SIRPG: variants seen among roughly 807,000 people sequenced by gnomAD.
SIRPG encodes the protein signal-regulatory protein gamma.
Under a neutral mutation model 35.7 loss-of-function variants are expected in SIRPG, and 38 were observed. The ratio of observed to expected loss-of-function variants is 1.06; its 90% CI spans 0.82 to 1.40. SIRPG has a LOEUF of 1.40. Ranked by LOEUF, SIRPG falls within the 40% of genes most tolerant of loss-of-function variation. The pLI, the probability that SIRPG is intolerant of heterozygous loss-of-function variation, is 0.00. For missense variants in SIRPG, 519 were observed against 483.0 expected (o/e 1.07, Z -0.70); for synonymous variants, 215 against 190.4 (o/e 1.13, Z -1.06).
chr20:1,639,802 G>A (rs1600205989), intron 2 of SIRPG, among the ~76,000 whole-genome samples: 1 of 152,276 alleles, frequency 6.6e-6, no homozygotes, highest in East Asian at 1.9e-4. Context: ...TTTGTATAAG[G>A]TGTAAGGAAG....
chr20:1,644,014 C>T (rs1056358214), intron 2 of SIRPG, among the ~76,000 whole-genome samples: 11 of 152,218 alleles, frequency 7.2e-5, no homozygotes, highest in Middle Eastern at 3.4e-3. Flanking sequence ...GTAGGGTGTC[C>T]GACAACCCCT....
At chr20:1,660,717 T>C (rs1380212167), upstream of SIRPG, among the ~76,000 whole-genome samples, 1 of 151,972 alleles carries the variant, frequency 6.6e-6, no homozygotes, top group African/African-American at 2.4e-5. Context: ...AACCTGGGAG[T>C]CCATGAGCCA....
chr20:1,629,877 T>C (rs745356741), intron 5 of SIRPG, among the ~76,000 whole-genome samples: 7 of 152,136 alleles, frequency 4.6e-5, no homozygotes, highest in Non-Finnish European at 8.8e-5. Context: ...CCATTTGGGT[T>C]TCTCAACATT....
chr20:1,678,345 A>T, the SIRPG span, among the ~76,000 whole-genome samples: 1 of 152,240 alleles, frequency 6.6e-6, no homozygotes, highest in Non-Finnish European at 1.5e-5. Flanking sequence ...AAAATAATTC[A>T]GGATTATGAT....
At chr20:1,657,843 A>G, upstream of SIRPG, 2 of 775,704 alleles carry the variant, frequency 2.6e-6, no homozygotes, top group Non-Finnish European at 4.2e-6. Flanking sequence ...GGAATGCAAC[A>G]GTAACCTGCT....
chr20:1,646,964 G>A (rs1456873163), intron 2 of SIRPG: 1 of 152,338 alleles, frequency 6.6e-6, no homozygotes, highest in Non-Finnish European at 1.5e-5. Context: ...CGTCTTTAAT[G>A]CTTTTCGCTA....
the SIRPG span, chr20:1,671,103 G>T: frequency 2.3e-6 from 1 of 427,970 alleles, no homozygotes; most frequent in African/African-American, 2.1e-5. Context: ...TGGTGTTTCA[G>T]GGGGAGAAGC....
At chr20:1,640,963 T>A (rs2122487750) in intron 2 of SIRPG, among the ~76,000 whole-genome samples, 1 of 152,278 alleles carries the variant, frequency 6.6e-6, no homozygotes, top group East Asian at 1.9e-4. Context: ...TGAAGCCAAT[T>A]TGATTGTGGT....
At chr20:1,650,004 G>GTATATATATATATATATATATA (rs71193923) in intron 1 of SIRPG, among the ~76,000 whole-genome samples, 86 of 98,782 alleles carry the variant, frequency 8.7e-4, no homozygotes, top group African/African-American at 3.0e-3. Flanking sequence ...TTTGAAGTGT[G>GTATATATATATATATATATATA]TATATATATA....
chr20:1,649,060 G>T lies in SIRPG; in HGVS notation c.422C>A (p.Ala141Asp). 1 of 1,613,526 alleles carries T rather than the reference G, an allele frequency of 6.2e-7. No individual in the cohort carries two copies. Among genetic ancestry groups the T allele is most frequent in the Non-Finnish European group, 8.5e-7 (1 of 1,179,566 alleles). ...EFKSGPGTEM[A>D]LGAKPSAPVV... ...GTCCATGTTGTACTCACCACCCAAA[G>T]CCATCTCAGTGCCTGGTCCAGACTT... The change falls in exon 2 of 6, where the codon GCT becomes GAT. Residue 141 changes from alanine (A) to aspartate (D), a missense_variant. By Grantham distance (126) the Ala-to-Asp change is moderately radical. Coordinates refer to ENST00000303415, the MANE Select transcript of SIRPG (RefSeq NM_018556.4).
At chr20:1,650,004 G>GTGTATATATATATATATATATATA (rs774462534) in intron 1 of SIRPG, among the ~76,000 whole-genome samples, 25 of 98,808 alleles carry the variant, frequency 2.5e-4, no homozygotes, top group African/African-American at 9.3e-4. Context: ...TTTGAAGTGT[G>GTGTATATATATATATATATATATA]TATATATATA....
chr20:1,633,669 G>GA (rs1207855157), intron 4 of SIRPG: 2 of 152,150 alleles, frequency 1.3e-5, no homozygotes, highest in African/African-American at 4.8e-5. Flanking sequence ...CAGGGACATG[G>GA]AAAAATCCGT....
intron 1 of SIRPG, among the ~76,000 whole-genome samples, chr20:1,654,814 T>C (rs2091965037): frequency 6.6e-6 from 1 of 152,076 alleles, no homozygotes; most frequent in South Asian, 2.1e-4. Flanking sequence ...ACAAAATATA[T>C]AAGGAAGTCA....
the SIRPG span, chr20:1,676,586 A>G: frequency 0.026 from 3,923 of 152,850 alleles, 149 homozygotes; most frequent in African/African-American, 0.086. Context: ...AGCCTTTGGG[A>G]AACCGATGAA....
Position 1,635,493 on chromosome 20 carries a change from C to G in SIRPG, c.855G>C (p.Trp285Cys), listed in dbSNP as rs367852522. The G allele has an allele frequency of 1.1e-5, 18 of 1,614,008 alleles. No homozygotes were observed. The highest frequency in any genetic ancestry group is 1.4e-5 in the Non-Finnish European group (17 of 1,179,976). The change falls in exon 4 of 6, where the codon TGG (tryptophan) becomes TGC (cysteine). Residue 285 changes from tryptophan (W) to cysteine (C), a missense_variant. By Grantham distance (215) the Trp-to-Cys change is radical. Coordinates refer to ENST00000303415, the MANE Select transcript of SIRPG (RefSeq NM_018556.4). ...KFYPQSLQLT[W>C]SENGNVCQRE... ...TCTGGCACACGTTTCCATTCTCCGA[C>G]CAGGTCAGCTGTAGGCTCTGGGGGT...
At chr20:1,685,377 G>T in the SIRPG span, among the ~76,000 whole-genome samples, 431 of 152,178 alleles carry the variant, frequency 2.8e-3, 5 homozygotes, top group African/African-American at 9.7e-3. Flanking sequence ...GAGGTCATTG[G>T]GGGGGTCTTA....
the SIRPG span, chr20:1,666,573 G>C: frequency 1.3e-5 from 2 of 152,220 alleles, no homozygotes; most frequent in Non-Finnish European, 2.9e-5. Context: ...ATACTGATCA[G>C]CAGTAGGATC....
chr20:1,644,137 C>G, intron 2 of SIRPG, among the ~76,000 whole-genome samples: 1 of 152,220 alleles, frequency 6.6e-6, no homozygotes, highest in Admixed American at 6.5e-5. Context: ...ACCCACTTAT[C>G]TGGGCTGCCC....
chr20:1,656,944 G>A (rs761700839), intron 1 of SIRPG, among the ~76,000 whole-genome samples: 15 of 152,060 alleles, frequency 9.9e-5, no homozygotes, highest in Non-Finnish European at 2.1e-4. Context: ...AATAACTCCC[G>A]CAAGCTTAGT....
Sources: gnomAD v4.1 joint callset for allele counts (sites outside exome capture counted in the v4.1 genomes callset) on GRCh38, gnomAD v4.1.1 for gene constraint, MANE v1.5 for transcripts, NCBI Gene and HGNC (gene_info 2026-07-23, HGNC 2026-07-21) for gene names.